The following AKAP7 variants were observed in gnomAD, a reference collection of about 807,000 sequenced individuals.
The protein encoded by AKAP7 is A-kinase anchoring protein 7.
Under a neutral mutation model 39.5 loss-of-function variants are expected in AKAP7, and 39 were observed. The ratio of observed to expected loss-of-function variants is 0.99; its 90% CI spans 0.76 to 1.29. The LOEUF (loss-of-function observed/expected upper bound fraction) is 1.29. AKAP7 is among the 50% of genes most tolerant of loss of function. AKAP7 has a pLI of 0.00. For missense variants in AKAP7, 414 were observed against 407.7 expected (o/e 1.02, Z -0.13); for synonymous variants, 140 against 139.1 (o/e 1.01, Z -0.05).
At chr6:131,139,015 C>G (rs575566644) in intron 1 of AKAP7, among the ~76,000 whole-genome samples, 1 of 152,120 alleles carries the variant, frequency 6.6e-6, no homozygotes, top group Non-Finnish European at 1.5e-5. Context: ...GTACTCAACC[C>G]AATGAACTTA....
intron 5 of AKAP7, among the ~76,000 whole-genome samples, chr6:131,182,851 C>A (rs1054271002): frequency 2.0e-5 from 3 of 151,684 alleles, no homozygotes; most frequent in African/African-American, 2.4e-5. Context: ...TTGATCAAAA[C>A]AGCTTCATCG....
chr6:131,165,450 C>T (rs560107261), intron 4 of AKAP7, among the ~76,000 whole-genome samples: 14 of 151,976 alleles, frequency 9.2e-5, no homozygotes, highest in Admixed American at 4.6e-4. Flanking sequence ...TTGTTTTGTC[C>T]GTGCTCATAA....
intron 4 of AKAP7, among the ~76,000 whole-genome samples, chr6:131,165,660 A>C (rs973301609): frequency 1.3e-5 from 2 of 152,194 alleles, no homozygotes; most frequent in African/African-American, 2.4e-5. Context: ...ATTATTAGCT[A>C]TAAGAGCTGC....
At chr6:131,171,558 A>C (rs1421598667) in intron 5 of AKAP7, among the ~76,000 whole-genome samples, 2 of 152,198 alleles carry the variant, frequency 1.3e-5, no homozygotes, top group African/African-American at 4.8e-5. Context: ...TGAAGGTAAA[A>C]TAAGGGCATG....
intron 6 of AKAP7, among the ~76,000 whole-genome samples, chr6:131,207,517 T>TTTTA (rs1367120493): frequency 1.4e-5 from 2 of 141,564 alleles, no homozygotes; most frequent in African/African-American, 5.5e-5. Flanking sequence ...TTTTTTTTTT[T>TTTTA]AGATATGGGG....
intron 7 of AKAP7, among the ~76,000 whole-genome samples, chr6:131,269,608 G>A (rs1256980104): frequency 1.3e-5 from 2 of 152,172 alleles, no homozygotes; most frequent in Non-Finnish European, 2.9e-5. Context: ...ACTGCCATGA[G>A]CACAGTGCCC....
At chr6:131,156,554 A>T (rs1029289745) in intron 2 of AKAP7, among the ~76,000 whole-genome samples, 2 of 152,000 alleles carry the variant, frequency 1.3e-5, no homozygotes, top group Admixed American at 1.3e-4. Flanking sequence ...TGGGAGGATC[A>T]TTTGAGCCCC....
At position 131,157,486 on chromosome 6, in the gene AKAP7, A is replaced by G. The variant is rs138406806; in HGVS notation, c.152-2573A>G. On this transcript the variant is annotated intron_variant, in intron 2 of 7. Coordinates refer to ENST00000431975, the MANE Select transcript of AKAP7 (RefSeq NM_016377.4). ...TGGATTTAAAATATATGTGTTCTTC[A>G]TTAGCATATTTTGTTACTTCTGTTT... Among the ~76,000 whole-genome samples the G allele has an allele frequency of 3.5e-4, 53 of 152,348 alleles. 1 individual carries two copies. The East Asian group carries it at 5.6e-3, about 16-fold the overall frequency.
intron 3 of AKAP7, 130 bp downstream of exon 3, chr6:131,160,328 G>A: frequency 1.1e-6 from 1 of 884,930 alleles, no homozygotes; most frequent in Non-Finnish European, 1.7e-6. Flanking sequence ...GACTGTCCAG[G>A]GAATATTTCT....
intron 5 of AKAP7, among the ~76,000 whole-genome samples, chr6:131,170,495 CT>C (rs1452730233): frequency 2.6e-5 from 4 of 152,136 alleles, no homozygotes; most frequent in African/African-American, 9.7e-5. Flanking sequence ...CACTGTCATC[CT>C]GAAGTCAGTG....
At chr6:131,134,344 A>AG (rs1342474657), upstream of AKAP7, among the ~76,000 whole-genome samples, 2 of 152,186 alleles carry the variant, frequency 1.3e-5, no homozygotes, top group African/African-American at 4.8e-5. Context: ...TTAGGCAGAA[A>AG]GGGGGAGGTC....
At chr6:131,241,617 G>GTATATACGTATATATA (rs1562238097) in intron 7 of AKAP7, among the ~76,000 whole-genome samples, 1 of 97,216 alleles carries the variant, frequency 1.0e-5, no homozygotes, top group African/African-American at 4.0e-5. Flanking sequence ...GTGTGTGTGT[G>GTATATACGTATATATA]TGTGTGTGTG....
At chr6:131,164,403 C>G in intron 3 of AKAP7, 1 of 455,692 alleles carries the variant, frequency 2.2e-6, no homozygotes, top group East Asian at 7.0e-5. Flanking sequence ...TTCAGAGGAG[C>G]AGGTGCTGAG....
chr6:131,199,912 C>G, intron 6 of AKAP7: 1 of 268,200 alleles, frequency 3.7e-6, no homozygotes, highest in Non-Finnish European at 7.1e-6. Flanking sequence ...TATTTGCATC[C>G]TGTTGCTCTC....
chr6:131,189,793 G>T (rs1218162796), intron 5 of AKAP7, among the ~76,000 whole-genome samples: 1 of 152,104 alleles, frequency 6.6e-6, no homozygotes, highest in Non-Finnish European at 1.5e-5. Context: ...TTAAGTAGTT[G>T]TTCTTCAGAC....
chr6:131,200,414 CG>C (rs1807443877), intron 6 of AKAP7, among the ~76,000 whole-genome samples: 1 of 152,112 alleles, frequency 6.6e-6, no homozygotes, highest in African/African-American at 2.4e-5. Flanking sequence ...GATTAATATC[CG>C]CTCCCTGCTC....
At chr6:131,193,492 A>G (rs887798424) in intron 5 of AKAP7, among the ~76,000 whole-genome samples, 11 of 152,166 alleles carry the variant, frequency 7.2e-5, no homozygotes, top group Middle Eastern at 6.8e-3. Context: ...ATCAATGTTT[A>G]TCATAGATAT....
rs78529575 is a variant in AKAP7, at chr6:131,280,206, T to C, written c.851-1324T>C. Among the ~76,000 whole-genome samples the C allele has an allele frequency of 7.3e-3, 1,107 of 152,300 alleles. 18 individuals carry two copies. The highest frequency in any genetic ancestry group is 0.025 in the African/African-American group (1,041 of 41,552). On this transcript the variant is annotated intron_variant, in intron 7 of 7. Coordinates refer to ENST00000431975, the MANE Select transcript of AKAP7 (RefSeq NM_016377.4). ...ATGTTCTATCTTGGACATCTGATCATGGGTCTGGGGTGCCATATTGCCCAT... is the reference window on the plus strand; with the variant it reads ...ATGTTCTATCTTGGACATCTGATCACGGGTCTGGGGTGCCATATTGCCCAT...
intron 5 of AKAP7, among the ~76,000 whole-genome samples, chr6:131,187,448 T>TG (rs1230174595): frequency 6.6e-6 from 1 of 152,146 alleles, no homozygotes; most frequent in African/African-American, 2.4e-5. Context: ...CCTTTCACAT[T>TG]GTATCACTGA....
Sources: gnomAD v4.1 joint callset for allele counts (sites outside exome capture counted in the v4.1 genomes callset) on GRCh38, gnomAD v4.1.1 for gene constraint, MANE v1.5 for transcripts, NCBI Gene and HGNC (gene_info 2026-07-23, HGNC 2026-07-21) for gene names.